The following SGK1 variants were observed in gnomAD, a reference collection of about 807,000 sequenced individuals.
SGK1 encodes the protein serine/threonine-protein kinase Sgk1.
A neutral mutation model predicts 64.2 loss-of-function variants in SGK1; 26 were observed. That is an observed-to-expected ratio of 0.40 (90% CI 0.30 to 0.56). The LOEUF is 0.56. SGK1 is among the 20% of genes least tolerant of loss of function. SGK1 has a pLI of 0.38. For missense variants in SGK1, 519 were observed against 645.6 expected (o/e 0.80, Z 2.12); for synonymous variants, 265 against 239.7 (o/e 1.11, Z -0.98).
At chr6:134,281,169 C>T (rs1582761060) in intron 1 of SGK1, among the ~76,000 whole-genome samples, 1 of 152,126 alleles carries the variant, frequency 6.6e-6, no homozygotes, top group East Asian at 1.9e-4. Flanking sequence ...TTTTAAAGTC[C>T]CCATTCCAAC....
intron 2 of SGK1, among the ~76,000 whole-genome samples, chr6:134,222,906 AG>A (rs1023006855): frequency 1.1e-4 from 16 of 152,182 alleles, no homozygotes; most frequent in African/African-American, 3.9e-4. Context: ...TCCTATCCAA[AG>A]GGAGTAGGGA....
intron 2 of SGK1, among the ~76,000 whole-genome samples, chr6:134,235,972 G>A (rs1401108871): frequency 6.6e-6 from 1 of 151,952 alleles, no homozygotes; most frequent in Non-Finnish European, 1.5e-5. Flanking sequence ...CTTAGGAAAC[G>A]TGACTCCAAC....
intron 1 of SGK1, among the ~76,000 whole-genome samples, chr6:134,277,650 A>T (rs1248826454): frequency 6.6e-6 from 1 of 152,092 alleles, no homozygotes; most frequent in African/African-American, 2.4e-5. Flanking sequence ...TTCCTCAAAG[A>T]CATCTTCCTT....
intron 1 of SGK1, among the ~76,000 whole-genome samples, chr6:134,278,875 C>A (rs975653886): frequency 3.3e-5 from 5 of 150,988 alleles, no homozygotes; most frequent in African/African-American, 9.7e-5. Flanking sequence ...AAAAAAAAAA[C>A]CAAAGAGGAA....
intron 2 of SGK1, among the ~76,000 whole-genome samples, chr6:134,243,521 C>T (rs1483817687): frequency 6.6e-6 from 1 of 152,098 alleles, no homozygotes; most frequent in Non-Finnish European, 1.5e-5. Flanking sequence ...AGGCATGTGG[C>T]AACATGCTCG....
intron 2 of SGK1, among the ~76,000 whole-genome samples, chr6:134,231,806 A>G (rs966400116): frequency 1.7e-4 from 26 of 151,624 alleles, no homozygotes; most frequent in Non-Finnish European, 3.4e-4. Context: ...TTGGGAGGCC[A>G]AGGCAGGTAG....
chr6:134,245,041 G>T (rs1050590620), intron 2 of SGK1, among the ~76,000 whole-genome samples: 1 of 152,228 alleles, frequency 6.6e-6, no homozygotes, highest in Non-Finnish European at 1.5e-5. Context: ...CTCCCAAAGT[G>T]CTGGGATTAC....
intron 2 of SGK1, among the ~76,000 whole-genome samples, chr6:134,239,184 G>A (rs933288614): frequency 2.6e-5 from 4 of 152,196 alleles, no homozygotes; most frequent in African/African-American, 4.8e-5. Flanking sequence ...GCCATCTGGT[G>A]CAAAGGAAGT....
chr6:134,173,316 T>C lies in SGK1; in HGVS notation c.660A>G (p.Ala220=). 1 of 1,613,956 alleles carries C rather than the reference T, an allele frequency of 6.2e-7. No homozygotes were observed. The highest frequency in any genetic ancestry group is 8.5e-7 in the Non-Finnish European group (1 of 1,179,820). The change falls in exon 7 of 14, where the codon GCA becomes GCG. Residue 220 remains alanine, a synonymous_variant. Transcript: ENST00000367858. ...ARHKAEEVFY[A]VKVLQKKAIL... The stretch of plus-strand genomic sequence containing the variant: ...TTGCTTTCTTCTGTAAAACTTTGAC[T>C]GCATAGAACACTTCTTCTGCCTTGT...
chr6:134,181,111 C>G (rs1775324657), intron 3 of SGK1, among the ~76,000 whole-genome samples: 1 of 152,186 alleles, frequency 6.6e-6, no homozygotes, highest in Non-Finnish European at 1.5e-5. Flanking sequence ...TCTACTTCCC[C>G]CACAAGTCCA....
chr6:134,297,785 G>A, intron 1 of SGK1: 2 of 562,960 alleles, frequency 3.6e-6, no homozygotes, highest in Non-Finnish European at 3.3e-6. Flanking sequence ...ACAGGCGTGA[G>A]CCACTGCGCC....
chr6:134,303,119 C>T (rs1777483292), intron 1 of SGK1, among the ~76,000 whole-genome samples: 1 of 152,024 alleles, frequency 6.6e-6, no homozygotes, highest in Admixed American at 6.6e-5. Context: ...AGAGGCCAGG[C>T]ACAGTGGCTC....
At chr6:134,177,831 G>A (rs373606175) in intron 3 of SGK1, 15 of 1,610,074 alleles carry the variant, frequency 9.3e-6, no homozygotes, top group Non-Finnish European at 1.2e-5. Flanking sequence ...ATGAGAGCAC[G>A]AGCCAGAGAC....
At chr6:134,198,724 C>CTT (rs1459010325) in intron 3 of SGK1, among the ~76,000 whole-genome samples, 1 of 65,944 alleles carries the variant, frequency 1.5e-5, no homozygotes. Context: ...TTCTCTTTTT[C>CTT]TATTTTTTTT....
intron 3 of SGK1, chr6:134,175,623 G>A: frequency 6.5e-7 from 1 of 1,537,248 alleles, no homozygotes; most frequent in East Asian, 2.5e-5. Context: ...GCAGGGACTC[G>A]AGCCGGGCTC....
chr6:134,170,987 C>A lies in SGK1; in HGVS notation c.1323+36G>T, dbSNP rs770988201. 1.1e-5 allele frequency: 18 copies of A among 1,608,976 alleles called. No homozygotes were observed. The African/African-American group carries it at 2.3e-4, about 20-fold the overall frequency. On this transcript the variant is annotated intron_variant, in intron 12 of 13. Transcript: ENST00000367858. Reference sequence around the variant, plus strand: ...AGGGCAGGGAGGTCTAGTGCACGTCCCGGCCGGCCCAGGAGGACAGGAAAA... The same window carrying A: ...AGGGCAGGGAGGTCTAGTGCACGTCACGGCCGGCCCAGGAGGACAGGAAAA...
At chr6:134,205,916 C>G (rs60322095) in intron 3 of SGK1, among the ~76,000 whole-genome samples, 4,282 of 152,222 alleles carry the variant, frequency 0.028, 203 homozygotes, top group African/African-American at 0.097. Flanking sequence ...GCTTCACCTT[C>G]CCTTTTATTT....
intron 3 of SGK1, among the ~76,000 whole-genome samples, chr6:134,191,377 G>T (rs571085515): frequency 6.6e-6 from 1 of 152,054 alleles, no homozygotes; most frequent in Non-Finnish European, 1.5e-5. Flanking sequence ...TCTTTCGCTG[G>T]AATCACCTCT....
chr6:134,184,941 T>C (rs540066925), intron 3 of SGK1, among the ~76,000 whole-genome samples: 1 of 152,164 alleles, frequency 6.6e-6, no homozygotes, highest in Non-Finnish European at 1.5e-5. Flanking sequence ...CACCTAAGCC[T>C]CCCAAAGTGC....
Sources: allele counts gnomAD v4.1 joint callset (sites outside exome capture counted in the v4.1 genomes callset), GRCh38; gene constraint gnomAD v4.1.1; transcripts MANE v1.5; gene names NCBI Gene and HGNC (gene_info 2026-07-23, HGNC 2026-07-21).